MLANA: variants seen among roughly 807,000 people sequenced by gnomAD.
MLANA encodes melanoma antigen recognized by T-cells 1.
Under a neutral mutation model 15.7 loss-of-function variants are expected in MLANA, and 21 were observed. That is an observed-to-expected ratio of 1.33 (90% CI 0.95 to 1.92). MLANA has a LOEUF of 1.92. Ranked by LOEUF, MLANA falls within the 40% of genes most tolerant of loss-of-function variation. MLANA has a pLI of 0.00. For missense variants in MLANA, 164 were observed against 143.8 expected, an observed-to-expected ratio of 1.14 and a Z score of -0.72; for synonymous variants, 56 against 51.5, an observed-to-expected ratio of 1.09 and a Z score of -0.37.
intron 2 of MLANA, among the ~76,000 whole-genome samples, chr9:5,896,100 TG>T (rs779657552): frequency 6.6e-6 from 1 of 152,206 alleles, no homozygotes; most frequent in Non-Finnish European, 1.5e-5. Flanking sequence ...CAAATTCTGG[TG>T]CTCACTTGCT....
chr9:5,900,529 T>G (rs971772415), intron 3 of MLANA, among the ~76,000 whole-genome samples: 93 of 152,316 alleles, frequency 6.1e-4, no homozygotes, highest in African/African-American at 2.2e-3. Flanking sequence ...CTGTCTTCAG[T>G]GATTCTATTT....
intron 3 of MLANA, among the ~76,000 whole-genome samples, chr9:5,902,222 G>A (rs1390922749): frequency 3.3e-5 from 5 of 152,112 alleles, no homozygotes; most frequent in South Asian, 2.1e-4. Flanking sequence ...TTCTTCTTGC[G>A]TGGATTTTGA....
intron 3 of MLANA, among the ~76,000 whole-genome samples, chr9:5,901,351 C>A (rs1406473633): frequency 6.6e-6 from 1 of 152,068 alleles, no homozygotes; most frequent in East Asian, 1.9e-4. Flanking sequence ...ATTTTTTGTA[C>A]CTAGATATTC....
In MLANA at chr9:5,892,528, C is replaced by G; in HGVS notation, c.54C>G (p.Gly18=). The part of the protein sequence containing the change: ...FIYGYPKKGH[G]HSYTTAEEAA... ...ATGGTTACCCCAAGAAGGGGCACGGCCACTCTTACACCACGGCTGAAGAGT... is the reference window on the plus strand; with the variant it reads ...ATGGTTACCCCAAGAAGGGGCACGGGCACTCTTACACCACGGCTGAAGAGT... The change falls in exon 2 of 5, where the codon GGC becomes GGG. Residue 18 remains glycine, a synonymous_variant. Coordinates refer to ENST00000381477, the MANE Select transcript of MLANA (RefSeq NM_005511.2). 1 of 1,613,630 alleles carries G rather than the reference C, an allele frequency of 6.2e-7. No homozygotes were observed. The highest frequency in any genetic ancestry group is 8.5e-7 in the Non-Finnish European group (1 of 1,179,864).
intron 3 of MLANA, among the ~76,000 whole-genome samples, chr9:5,901,430 T>G (rs1037425421): frequency 6.6e-6 from 1 of 152,254 alleles, no homozygotes; most frequent in African/African-American, 2.4e-5. Context: ...GAATGGGTGT[T>G]TGATTTTGTC....
chr9:5,905,932 G>A (rs1279527049), intron 3 of MLANA, among the ~76,000 whole-genome samples: 2 of 152,052 alleles, frequency 1.3e-5, no homozygotes, highest in Admixed American at 6.6e-5. Flanking sequence ...TTTTCTTTCT[G>A]TTAACATTCC....
At chr9:5,898,974 A>T (rs1444023821) in intron 3 of MLANA, 1 of 152,158 alleles carries the variant, frequency 6.6e-6, no homozygotes, top group African/African-American at 2.4e-5. Context: ...CAATTACACA[A>T]TCCAATCTTC....
At chr9:5,899,599 C>T (rs1184898974) in intron 3 of MLANA, among the ~76,000 whole-genome samples, 1 of 152,130 alleles carries the variant, frequency 6.6e-6, no homozygotes, top group Non-Finnish European at 1.5e-5. Context: ...GGATAGAATT[C>T]CTGCTCATAC....
rs117077597 is a variant in MLANA at position 5,893,281 on chromosome 9, C to T, written c.77+730C>T. ...GCTGGGAGTGGGAAAGGGACATACT[C>T]TGTACGTGCTGGGTGGCAGGGGCAG... On this transcript the variant is annotated intron_variant, in intron 2 of 4. Transcript: ENST00000381477. 9.9e-5 allele frequency among the ~76,000 whole-genome samples: 15 copies of T among 152,278 alleles called. No homozygotes were observed. In the East Asian group the frequency reaches 2.9e-3, roughly 29 times the overall value.
At position 5,910,020 on chromosome 9, in the gene MLANA, A is replaced by C. The variant is rs1006600754; in HGVS notation, c.*1312A>C. On this transcript the variant is annotated 3_prime_UTR_variant, in exon 5 of 5. Transcript: ENST00000381477. ...TAGTAGAGGATAACTATAACAACGA[A>C]GATAATGAAAGTAATTTTTTTAACC... is the stretch of plus-strand genomic sequence containing the variant. The C allele has an allele frequency of 3.3e-5, 5 of 152,224 alleles. No individual in the cohort carries two copies. The highest frequency in any genetic ancestry group is 1.2e-4 in the African/African-American group (5 of 41,436). The allele number at this position is 152,224 out of a possible 1,614,324, so 9.4% of individuals were successfully genotyped here. A position where few individuals can be genotyped will look rare whatever the true frequency, so the allele number is the denominator to read the frequency against.
At chr9:5,902,469 C>CT (rs373974324) in intron 3 of MLANA, among the ~76,000 whole-genome samples, 2,283 of 146,088 alleles carry the variant, frequency 0.016, 41 homozygotes, top group African/African-American at 0.043. Flanking sequence ...TCTTTCTTTC[C>CT]TTTTTTTTTT....
chr9:5,892,161 T>C (rs1201530979), intron 1 of MLANA, among the ~76,000 whole-genome samples: 2 of 152,200 alleles, frequency 1.3e-5, no homozygotes, highest in African/African-American at 4.8e-5. Flanking sequence ...AAATGAGGAA[T>C]ATTTTTTCAC....
At chr9:5,896,542 G>C (rs1472469477) in intron 2 of MLANA, among the ~76,000 whole-genome samples, 1 of 152,198 alleles carries the variant, frequency 6.6e-6, no homozygotes, top group Non-Finnish European at 1.5e-5. Context: ...AGAAGCCTTA[G>C]TTAAACCTTG....
intron 1 of MLANA, 96 bp from the exon 2 acceptor site, chr9:5,892,354 T>C: frequency 1.3e-6 from 1 of 744,342 alleles, no homozygotes; most frequent in Non-Finnish European, 2.1e-6. Context: ...CTATGGATAT[T>C]GGTCACCTAG....
intron 3 of MLANA, among the ~76,000 whole-genome samples, chr9:5,904,657 G>C (rs1267994853): frequency 6.6e-6 from 1 of 152,114 alleles, no homozygotes; most frequent in Non-Finnish European, 1.5e-5. Flanking sequence ...ATTTTTAGTA[G>C]AGACGGGGTT....
At chr9:5,891,724 G>A (rs1419375933) in intron 1 of MLANA, among the ~76,000 whole-genome samples, 1 of 152,172 alleles carries the variant, frequency 6.6e-6, no homozygotes, top group Non-Finnish European at 1.5e-5. Context: ...GAAAAAAAAA[G>A]AATCCTAGCC....
intron 4 of MLANA, 68 bp downstream of exon 4, chr9:5,907,066 T>C: frequency 1.9e-6 from 2 of 1,054,036 alleles, no homozygotes; most frequent in Non-Finnish European, 2.7e-6. Context: ...AATACAATTA[T>C]TTCCATTTAA....
At chr9:5,905,885 G>A (rs1055643380) in intron 3 of MLANA, among the ~76,000 whole-genome samples, 7 of 152,188 alleles carry the variant, frequency 4.6e-5, no homozygotes, top group South Asian at 2.1e-4. Context: ...CATTCATATC[G>A]GCACAGAATA....
At position 5,897,608 on chromosome 9, in the gene MLANA, C is replaced by A. The variant is rs1457343822; in HGVS notation, c.129C>A (p.Ile43=). ...LTVILGVLLL[I]GCWYCRRRNG... Reference sequence around the variant, plus strand: ...TGATCCTGGGAGTCTTACTGCTCATCGGCTGTTGGTATTGTAGAAGACGAA... The same window carrying A: ...TGATCCTGGGAGTCTTACTGCTCATAGGCTGTTGGTATTGTAGAAGACGAA... The change falls in exon 3 of 5, where the codon ATC becomes ATA. Residue 43 remains isoleucine, a synonymous_variant. Coordinates refer to ENST00000381477, the MANE Select transcript of MLANA (RefSeq NM_005511.2). 1.9e-6 allele frequency: 3 copies of A among 1,614,002 alleles called. No individual in the cohort carries two copies. The highest frequency in any genetic ancestry group is 2.5e-6 in the Non-Finnish European group (3 of 1,179,960).
Sources: gnomAD v4.1 joint callset for allele counts (sites outside exome capture counted in the v4.1 genomes callset) on GRCh38, gnomAD v4.1.1 for gene constraint, MANE v1.5 for transcripts, NCBI Gene and HGNC (gene_info 2026-07-23, HGNC 2026-07-21) for gene names.